The following SAMD4A variants were observed in gnomAD, a reference collection of about 807,000 sequenced individuals.
SAMD4A encodes the protein protein Smaug homolog 1.
In SAMD4A, 33 loss-of-function variants were observed where a neutral mutation model predicts 81.3. The ratio of observed to expected loss-of-function variants is 0.41; its 90% CI spans 0.31 to 0.54. The LOEUF is 0.54. SAMD4A is among the 20% of genes least tolerant of loss of function. SAMD4A has a pLI of 0.37. For synonymous variants in SAMD4A, 389 were observed against 382.1 expected (o/e 1.02, Z -0.21); for missense variants, 854 against 951.1 (o/e 0.90, Z 1.34).
At chr14:54,572,585 A>AAT (rs1415146789) in intron 2 of SAMD4A, among the ~76,000 whole-genome samples, 1 of 152,204 alleles carries the variant, frequency 6.6e-6, no homozygotes, top group East Asian at 1.9e-4. Flanking sequence ...GAAGGATGGA[A>AAT]ATAGAGAAAA....
chr14:54,748,641 G>A (rs867918298), intron 4 of SAMD4A, among the ~76,000 whole-genome samples, 174 bp from the exon 5 acceptor site: 6 of 152,228 alleles, frequency 3.9e-5, no homozygotes, highest in African/African-American at 1.4e-4. Flanking sequence ...GGGCTAGCCT[G>A]AGACTTCTGC....
Position 54,677,296 on chromosome 14 carries a change from A to G in SAMD4A, c.197-24766A>G, listed in dbSNP as rs568842969. Reference sequence around the variant, plus strand: ...AGAATCCTTATAATTGGGTGGATCTATGTTATTTTGCTATCTTCAGAGAAA... The same window carrying G: ...AGAATCCTTATAATTGGGTGGATCTGTGTTATTTTGCTATCTTCAGAGAAA... On this transcript the variant is annotated intron_variant, in intron 2 of 12. Transcript: ENST00000554335. Among the ~76,000 whole-genome samples the G allele has an allele frequency of 1.4e-3, 210 of 152,372 alleles. 7 individuals carry two copies. In the South Asian group the frequency reaches 0.041, roughly 30 times the overall value.
At chr14:54,692,458 G>A (rs528631598) in intron 2 of SAMD4A, among the ~76,000 whole-genome samples, 4 of 152,312 alleles carry the variant, frequency 2.6e-5, no homozygotes, top group African/African-American at 7.2e-5. Context: ...GTTAGGTTAC[G>A]TGGACAATGC....
intron 2 of SAMD4A, among the ~76,000 whole-genome samples, chr14:54,572,954 A>G (rs1594678441): frequency 6.6e-6 from 1 of 152,130 alleles, no homozygotes; most frequent in East Asian, 1.9e-4. Flanking sequence ...CCCACCTTCT[A>G]TGTTTTAGCT....
At chr14:54,580,179 C>T (rs574527498) in intron 2 of SAMD4A, among the ~76,000 whole-genome samples, 30 of 152,136 alleles carry the variant, frequency 2.0e-4, no homozygotes, top group Non-Finnish European at 3.5e-4. Flanking sequence ...AGTCGCTTCC[C>T]GACTTTGACC....
At chr14:54,659,487 A>C (rs942299206) in intron 2 of SAMD4A, among the ~76,000 whole-genome samples, 6 of 151,896 alleles carry the variant, frequency 4.0e-5, no homozygotes, top group Non-Finnish European at 7.4e-5. Flanking sequence ...TTGGTTTCTG[A>C]GGGATTTTGA....
intron 4 of SAMD4A, among the ~76,000 whole-genome samples, chr14:54,747,386 G>A (rs758113704): frequency 1.2e-4 from 19 of 152,140 alleles, no homozygotes; most frequent in Middle Eastern, 3.2e-3. Flanking sequence ...TCCCATACCC[G>A]CATTCCCTAA....
At chr14:54,623,050 TTTA>T (rs2034655012) in intron 2 of SAMD4A, among the ~76,000 whole-genome samples, 1 of 152,186 alleles carries the variant, frequency 6.6e-6, no homozygotes, top group Non-Finnish European at 1.5e-5. Flanking sequence ...ACCTGTTTGG[TTTA>T]ACACTCTTCT....
intron 2 of SAMD4A, among the ~76,000 whole-genome samples, chr14:54,665,281 A>G (rs79060535): frequency 0.017 from 2,594 of 152,358 alleles, 38 homozygotes; most frequent in South Asian, 0.027. Context: ...TTGGATTCCT[A>G]TTCACCCAGG....
intron 2 of SAMD4A, among the ~76,000 whole-genome samples, chr14:54,699,925 G>A (rs563542411): frequency 6.6e-6 from 1 of 151,832 alleles, no homozygotes; most frequent in South Asian, 2.1e-4. Context: ...ACTTCTACAA[G>A]TAGTTGACTC....
intron 2 of SAMD4A, chr14:54,681,945 A>G: frequency 1.0e-6 from 1 of 985,482 alleles, no homozygotes; most frequent in Non-Finnish European, 1.2e-6. Flanking sequence ...GAGGAAATGC[A>G]GAGCCATTGA....
intron 7 of SAMD4A, among the ~76,000 whole-genome samples, chr14:54,763,172 C>T (rs1180616236): frequency 6.6e-6 from 1 of 151,120 alleles, no homozygotes; most frequent in African/African-American, 2.4e-5. Flanking sequence ...CACTTTTATA[C>T]ACACGCAGGC....
At position 54,702,458 on chromosome 14, in the gene SAMD4A, T is replaced by G; in HGVS notation, c.593T>G (p.Ile198Ser). 6.2e-7 allele frequency: 1 copy of G among 1,614,122 alleles called. No homozygotes were observed. The highest frequency in any genetic ancestry group is 8.5e-7 in the Non-Finnish European group (1 of 1,180,000). Residue 198 changes from isoleucine (I) to serine (S), a missense_variant, in exon 3 of 13, where the codon ATT becomes AGT. Coordinates refer to ENST00000554335, the MANE Select transcript of SAMD4A (RefSeq NM_015589.6). ...TGGCAGAACTCTCGGGATTCTGGGA[T>G]TTGCATCAATGCCTCCAACTGGCAG... ...NGWQNSRDSG[I>S]CINASNWQDK...
chr14:54,569,326 G>A (rs538518863), intron 2 of SAMD4A, among the ~76,000 whole-genome samples: 1 of 152,210 alleles, frequency 6.6e-6, no homozygotes, highest in African/African-American at 2.4e-5. Flanking sequence ...TGGTGTGCAC[G>A]ATGGTGAAAA....
intron 2 of SAMD4A, chr14:54,687,534 A>G (rs929256541): frequency 2.4e-5 from 9 of 370,314 alleles, no homozygotes; most frequent in Admixed American, 2.1e-4. Flanking sequence ...ATGCTCCTAA[A>G]TGGGGTATGT....
intron 2 of SAMD4A, among the ~76,000 whole-genome samples, chr14:54,637,273 G>A (rs2140362746): frequency 6.7e-6 from 1 of 149,584 alleles, no homozygotes; most frequent in Non-Finnish European, 1.5e-5. Flanking sequence ...GCTGTCGCAG[G>A]AGGATTGCTT....
At chr14:54,621,963 ATT>A (rs2034628758) in intron 2 of SAMD4A, among the ~76,000 whole-genome samples, 2 of 152,286 alleles carry the variant, frequency 1.3e-5, no homozygotes, top group African/African-American at 4.8e-5. Flanking sequence ...TGTTACTCAT[ATT>A]ATATGAAATT....
In SAMD4A at chr14:54,678,835, ACC is replaced by A. The variant is rs2036062560; in HGVS notation, c.197-23226_197-23225del. Among the ~76,000 whole-genome samples, 3 of 152,190 alleles carry A rather than the reference ACC, an allele frequency of 2.0e-5. No homozygotes were observed. In the South Asian group the frequency reaches 6.2e-4, roughly 31 times the overall value. On this transcript the variant is annotated intron_variant, in intron 2 of 12. Coordinates refer to ENST00000554335, the MANE Select transcript of SAMD4A (RefSeq NM_015589.6). ...AGTGCTGGGATTACAGGCGTGAGCC[ACC>A]GCGCCCGGCCTGATCTTTAGGGAAA... is the stretch of plus-strand genomic sequence containing the variant.
chr14:54,773,586 G>C (rs906634553), intron 9 of SAMD4A, among the ~76,000 whole-genome samples: 2 of 152,238 alleles, frequency 1.3e-5, no homozygotes, highest in African/African-American at 4.8e-5. Context: ...CCCAACGGCA[G>C]CGCCGGCATC....
Sources: allele counts gnomAD v4.1 joint callset (sites outside exome capture counted in the v4.1 genomes callset), GRCh38; gene constraint gnomAD v4.1.1; transcripts MANE v1.5; gene names NCBI Gene and HGNC (gene_info 2026-07-23, HGNC 2026-07-21).